The following CNIH2 variants were observed in gnomAD, a reference collection of about 807,000 sequenced individuals.
The protein encoded by CNIH2 is cornichon family AMPA receptor auxiliary protein 2, also known as protein cornichon homolog 2.
A neutral mutation model predicts 22.9 loss-of-function variants in CNIH2; 8 were observed. That is an observed-to-expected ratio of 0.35 (90% confidence interval 0.20 to 0.63). The LOEUF (loss-of-function observed/expected upper bound fraction) is 0.63, where lower values mean the gene tolerates loss of function less well. CNIH2 is among the 30% of genes least tolerant of loss of function. CNIH2 has a pLI of 0.72. For synonymous variants in CNIH2, 74 were observed against 78.2 expected (o/e 0.95, Z 0.28); for missense variants, 105 against 206.2 (o/e 0.51, Z 3.01).
chr11:66,281,359 T>C (rs781717099), intron 1 of CNIH2: 204 of 456,022 alleles, frequency 4.5e-4, no homozygotes, highest in Non-Finnish European at 7.4e-4. Flanking sequence ...AAAATAAAAC[T>C]AGTACCTAAG....
intron 5 of CNIH2, 86 bp downstream of exon 5, chr11:66,283,477 C>T (rs3016315): frequency 1 from 1,607,176 of 1,611,446 alleles, 801,532 homozygotes; most frequent in East Asian, 1. Flanking sequence ...CCTTTTGCCC[C>T]TGAGGACTGA....
intron 2 of CNIH2, 102 bp downstream of exon 2, chr11:66,282,429 G>GGGGGGGGGGGGGGGGGGGGGGGGC: frequency 2.1e-5 from 10 of 479,432 alleles, no homozygotes; most frequent in East Asian, 5.8e-5. Context: ...GGGGTGGGGG[G>GGGGGGGGGGGGGGGGGGGGGGGGC]CCTACGGCCA....
chr11:66,282,429 G>GGGGGGGGGGGGGC (rs1857273265), intron 2 of CNIH2, 102 bp downstream of exon 2: 4 of 479,386 alleles, frequency 8.3e-6, no homozygotes, highest in Non-Finnish European at 8.4e-6. Flanking sequence ...GGGGTGGGGG[G>GGGGGGGGGGGGGC]CCTACGGCCA....
chr11:66,283,711 CCCAG>C lies in CNIH2; in HGVS notation c.*117_*120del. 9 of 1,200,186 alleles carry C rather than the reference CCCAG, an allele frequency of 7.5e-6. No individual in the cohort carries two copies. The highest frequency in any genetic ancestry group is 1.0e-5 in the Non-Finnish European group (9 of 857,602). 74.3% of individuals were successfully genotyped at this position (1,200,186 alleles called of 1,614,324 possible). ...TGGGGAGGGAGGGGGCACTGGTGCC[CCCAG>C]CCTCTCCAACCCCCAAACTGCTGCT... is the stretch of plus-strand genomic sequence containing the variant. On this transcript the variant is annotated 3_prime_UTR_variant, in exon 6 of 6. Coordinates refer to ENST00000311445, the MANE Select transcript of CNIH2 (RefSeq NM_182553.3).
At chr11:66,282,417 G>A in intron 2 of CNIH2, 90 bp downstream of exon 2, 1 of 1,041,840 alleles carries the variant, frequency 9.6e-7, no homozygotes, top group South Asian at 1.4e-5. Flanking sequence ...GAAGACGGGG[G>A]TGGGGTGGGG....
At position 66,283,043 on chromosome 11, in the gene CNIH2, C is replaced by A. The variant is rs751084280; in HGVS notation, c.207C>A (p.Val69=). 1 of 1,613,742 alleles carries A rather than the reference C, an allele frequency of 6.2e-7. No individual in the cohort carries two copies. Among genetic ancestry groups the A allele is most frequent in the Non-Finnish European group, 8.5e-7 (1 of 1,179,720 alleles). The change falls in exon 4 of 6, where the codon GTC becomes GTA. Residue 69 remains valine (V), a synonymous_variant. Transcript: ENST00000311445. The stretch of plus-strand genomic sequence containing the variant: ...CACCCTCACTCCCCCAGCTGGTGGT[C>A]CCAGAATACTCCATCCACGGCCTCT... ...RICCLLRKLV[V]PEYSIHGLFC...
At chr11:66,279,305 C>G (rs1458462206) in intron 1 of CNIH2, among the ~76,000 whole-genome samples, 1 of 152,036 alleles carries the variant, frequency 6.6e-6, no homozygotes, top group Non-Finnish European at 1.5e-5. Flanking sequence ...CCATCGCTTC[C>G]CCCAGGCTCC....
chr11:66,282,418 T>TGGGGGGGGGAGGGGGAAGGGGGGGGGG, intron 2 of CNIH2, 91 bp downstream of exon 2: 2 of 161,802 alleles, frequency 1.2e-5, no homozygotes. Flanking sequence ...AAGACGGGGG[T>TGGGGGGGGGAGGGGGAAGGGGGGGGGG]GGGGTGGGGG....
intron 1 of CNIH2, among the ~76,000 whole-genome samples, chr11:66,279,292 G>A (rs1260552357): frequency 1.9e-4 from 29 of 151,656 alleles, no homozygotes; most frequent in Admixed American, 6.6e-5. Context: ...TCCTGCATCC[G>A]ACCCATCGCT....
At chr11:66,282,481 C>A in intron 2 of CNIH2, 154 bp downstream of exon 2, 3 of 1,023,290 alleles carry the variant, frequency 2.9e-6, no homozygotes, top group Admixed American at 4.1e-5. Flanking sequence ...AAACACCTGG[C>A]GCGGGCTCAG....
intron 2 of CNIH2, 102 bp downstream of exon 2, chr11:66,282,429 G>GGCC: frequency 2.1e-5 from 10 of 479,406 alleles, no homozygotes; most frequent in Non-Finnish European, 2.9e-5. Flanking sequence ...GGGGTGGGGG[G>GGCC]CCTACGGCCA....
intron 1 of CNIH2, 107 bp from the exon 2 acceptor site, chr11:66,282,152 C>T (rs1050767836): frequency 4.9e-5 from 49 of 994,514 alleles, no homozygotes; most frequent in Non-Finnish European, 2.9e-5. Flanking sequence ...ACCTTTGCAA[C>T]AAGCTCCACC....
Position 66,283,699 on chromosome 11 carries a change from G to A in CNIH2, c.*102G>A. ...AGGCCTCAGCCCTGGGGAGGGAGGG[G>A]GCACTGGTGCCCCCAGCCTCTCCAA... is the stretch of plus-strand genomic sequence containing the variant. On this transcript the variant is annotated 3_prime_UTR_variant, in exon 6 of 6. Coordinates refer to ENST00000311445, the MANE Select transcript of CNIH2 (RefSeq NM_182553.3). 2 of 1,348,924 alleles carry A rather than the reference G, an allele frequency of 1.5e-6. No individual in the cohort carries two copies. Among genetic ancestry groups the A allele is most frequent in the Non-Finnish European group, 2.0e-6 (2 of 982,744 alleles). The allele number at this position is 1,348,924 out of a possible 1,614,324, so 83.6% of individuals were successfully genotyped here. A position where few individuals can be genotyped will look rare whatever the true frequency, so the allele number is the denominator to read the frequency against.
intron 1 of CNIH2, among the ~76,000 whole-genome samples, chr11:66,279,332 G>A (rs995820872): frequency 1.3e-5 from 2 of 150,964 alleles, no homozygotes; most frequent in African/African-American, 4.9e-5. Flanking sequence ...CTCCCCTCCC[G>A]CTCCTCTCCT....
intron 1 of CNIH2, among the ~76,000 whole-genome samples, chr11:66,281,770 C>T (rs144938815): frequency 7.1e-4 from 108 of 152,092 alleles, no homozygotes; most frequent in African/African-American, 2.5e-3. Flanking sequence ...GCTTGGACTG[C>T]ATTTCCCCCA....
chr11:66,279,146 C>A (rs550550865), intron 1 of CNIH2, among the ~76,000 whole-genome samples: 1 of 151,730 alleles, frequency 6.6e-6, no homozygotes, highest in South Asian at 2.1e-4. Context: ...GCTTCCCAGC[C>A]CCCCAGGTTT....
intron 1 of CNIH2, 73 bp from the exon 2 acceptor site, chr11:66,282,186 A>C: frequency 7.5e-7 from 1 of 1,338,440 alleles, no homozygotes; most frequent in Non-Finnish European, 1.1e-6. Context: ...TCAGTAAACT[A>C]TCCCACAGAA....
At chr11:66,278,671 C>T (rs1857202568) in intron 1 of CNIH2, 134 bp downstream of exon 1, 2 of 522,188 alleles carry the variant, frequency 3.8e-6, no homozygotes, top group South Asian at 3.4e-5. Flanking sequence ...TTGTCGGCTT[C>T]GCCCCCATTA....
Position 66,282,782 on chromosome 11 carries a change from T to C in CNIH2, c.198+2T>C. The stretch of plus-strand genomic sequence containing the variant: ...CGCATCTGCTGCCTCCTGAGGAAGG[T>C]CAGTGTCAGGGCTGGGGGCAGGAGG... On this transcript the variant is annotated splice_donor_variant, in intron 3 of 5. Transcript: ENST00000311445. LOFTEE classifies it high-confidence loss of function. The C allele has an allele frequency of 6.2e-7, 1 of 1,610,396 alleles. No individual in the cohort carries two copies. Among genetic ancestry groups the C allele is most frequent in the Non-Finnish European group, 8.5e-7 (1 of 1,178,730 alleles).
Sources: allele counts gnomAD v4.1 joint callset (sites outside exome capture counted in the v4.1 genomes callset), GRCh38; gene constraint gnomAD v4.1.1; transcripts MANE v1.5; gene names NCBI Gene and HGNC (gene_info 2026-07-23, HGNC 2026-07-21).